Variants in IQCM observed in about 807,000 individuals in gnomAD.
The protein encoded by IQCM is IQ domain-containing protein M.
IQCM carries 45 observed loss-of-function variants against 57.6 expected under a neutral mutation model. The ratio of observed to expected loss-of-function variants is 0.78; its 90% CI spans 0.62 to 1.00. The LOEUF is 1.00. Ranked by LOEUF, IQCM falls within the 50% of genes least tolerant of loss-of-function variation. The pLI is 0.00. For synonymous variants in IQCM, 148 were observed against 158.9 expected (o/e 0.93, Z 0.51); for missense variants, 468 against 511.6 (o/e 0.91, Z 0.82).
At chr4:149,746,012 G>A (rs1454565024) in intron 2 of IQCM, among the ~76,000 whole-genome samples, 1 of 151,268 alleles carries the variant, frequency 6.6e-6, no homozygotes, top group Admixed American at 6.6e-5. Flanking sequence ...GCTTTATCAT[G>A]GCTCTTATAA....
Position 149,351,797 on chromosome 4 carries a change from C to G in IQCM, c.*154G>C, listed in dbSNP as rs183405769. The G allele has an allele frequency of 1.1e-3, 421 of 386,654 alleles. 1 individual carries two copies. Among genetic ancestry groups the G allele is most frequent in the African/African-American group, 8.1e-3 (385 of 47,286 alleles). The allele number at this position is 386,654 out of a possible 1,614,324, so 24.0% of individuals were successfully genotyped here. Reference sequence around the variant, plus strand: ...AATGAATGGTGTTCATCCAAAAATACTAGAAATTATAGATAAACTTGTCAA... The same window carrying G: ...AATGAATGGTGTTCATCCAAAAATAGTAGAAATTATAGATAAACTTGTCAA... On this transcript the variant is annotated 3_prime_UTR_variant, in exon 14 of 14. Coordinates refer to ENST00000636793, the MANE Select transcript of IQCM (RefSeq NM_001363507.2).
intron 7 of IQCM, among the ~76,000 whole-genome samples, chr4:149,626,882 C>T (rs959210180): frequency 2.6e-5 from 4 of 152,084 alleles, no homozygotes; most frequent in Non-Finnish European, 5.9e-5. Context: ...ACTCACCCCT[C>T]CCTAATCTGA....
intron 5 of IQCM, among the ~76,000 whole-genome samples, chr4:149,700,910 C>T (rs1052591091): frequency 6.6e-6 from 1 of 151,986 alleles, no homozygotes; most frequent in African/African-American, 2.4e-5. Context: ...AAATCATCGG[C>T]ATCTGTTTTA....
At chr4:149,388,135 T>A (rs1423147594) in intron 13 of IQCM, among the ~76,000 whole-genome samples, 1 of 152,000 alleles carries the variant, frequency 6.6e-6, no homozygotes, top group Admixed American at 6.6e-5. Flanking sequence ...TGGATAATAT[T>A]GCTATGAATA....
At chr4:149,771,816 T>C (rs1770611072) in intron 2 of IQCM, among the ~76,000 whole-genome samples, 1 of 152,286 alleles carries the variant, frequency 6.6e-6, no homozygotes, top group Middle Eastern at 3.4e-3. Flanking sequence ...ATGCTTTTAC[T>C]ATCTTTATTA....
intron 2 of IQCM, among the ~76,000 whole-genome samples, chr4:149,799,287 C>T (rs536843042): frequency 6.6e-6 from 1 of 151,348 alleles, no homozygotes; most frequent in South Asian, 2.1e-4. Context: ...TGAAAAAGGT[C>T]TTGAAAAAAT....
At chr4:149,519,887 C>T (rs1487778845) in intron 12 of IQCM, among the ~76,000 whole-genome samples, 1 of 151,808 alleles carries the variant, frequency 6.6e-6, no homozygotes, top group Non-Finnish European at 1.5e-5. Flanking sequence ...TGCCTGTAGT[C>T]CCAGCTACTC....
At chr4:149,731,418 T>C (rs907387405) in intron 5 of IQCM, among the ~76,000 whole-genome samples, 2 of 152,168 alleles carry the variant, frequency 1.3e-5, no homozygotes, top group African/African-American at 4.8e-5. Context: ...TACCTTGATC[T>C]TGGATTTCCC....
chr4:149,624,147 AGT>A (rs34626095), intron 7 of IQCM, among the ~76,000 whole-genome samples: 1,504 of 144,428 alleles, frequency 0.01, 22 homozygotes, highest in African/African-American at 0.033. Flanking sequence ...ATGTGCCCCA[AGT>A]GTGTGTGTGT....
In IQCM at chr4:149,622,446, C is replaced by T. The variant is rs531724345; in HGVS notation, c.566-1202G>A. On this transcript the variant is annotated intron_variant, in intron 7 of 13. Coordinates refer to ENST00000636793, the MANE Select transcript of IQCM (RefSeq NM_001363507.2). ...CAAGCTCTGCCTCCCAGGTTCACGC[C>T]GTTCTCCTGCCTCAGCCTCCTGAGT... Among the ~76,000 whole-genome samples, 5 of 151,908 alleles carry T rather than the reference C, an allele frequency of 3.3e-5. No individual in the cohort carries two copies. In the South Asian group the frequency reaches 6.3e-4, roughly 19 times the overall value.
At chr4:149,717,448 T>C (rs1346640790) in intron 5 of IQCM, among the ~76,000 whole-genome samples, 2 of 152,198 alleles carry the variant, frequency 1.3e-5, no homozygotes, top group Non-Finnish European at 2.9e-5. Context: ...AGAAACACAC[T>C]TTGTTTTTCC....
At chr4:149,696,585 T>C (rs1006184505) in intron 5 of IQCM, among the ~76,000 whole-genome samples, 3 of 152,160 alleles carry the variant, frequency 2.0e-5, no homozygotes, top group African/African-American at 7.2e-5. Context: ...ATGTATGCAT[T>C]AATTCGTATC....
chr4:149,457,624 G>A (rs1378825943), intron 12 of IQCM, among the ~76,000 whole-genome samples: 1 of 151,948 alleles, frequency 6.6e-6, no homozygotes, highest in Non-Finnish European at 1.5e-5. Flanking sequence ...TCAGAGGTTG[G>A]TTAGCTGAAG....
chr4:149,655,483 G>C (rs557194669), intron 7 of IQCM, among the ~76,000 whole-genome samples: 14 of 152,200 alleles, frequency 9.2e-5, no homozygotes, highest in African/African-American at 3.4e-4. Context: ...AGAAGATCAG[G>C]CAAGATGTGT....
chr4:149,549,212 G>A (rs542896804), intron 11 of IQCM, among the ~76,000 whole-genome samples: 1 of 152,146 alleles, frequency 6.6e-6, no homozygotes, highest in Non-Finnish European at 1.5e-5. Context: ...AAAGGAGTTA[G>A]ATAATGAGCA....
intron 5 of IQCM, among the ~76,000 whole-genome samples, chr4:149,708,710 T>C (rs1361110093): frequency 1.3e-5 from 2 of 152,040 alleles, no homozygotes; most frequent in East Asian, 1.9e-4. Context: ...TTTTAGGTAA[T>C]ATATCTCAAA....
At chr4:149,703,692 A>G (rs533672000) in intron 5 of IQCM, among the ~76,000 whole-genome samples, 3 of 151,984 alleles carry the variant, frequency 2.0e-5, no homozygotes, top group Admixed American at 6.6e-5. Flanking sequence ...AGAGAATAGT[A>G]TCTTATACAG....
intron 12 of IQCM, among the ~76,000 whole-genome samples, chr4:149,461,819 A>G (rs1181237951): frequency 1.3e-5 from 2 of 151,780 alleles, no homozygotes; most frequent in African/African-American, 4.8e-5. Flanking sequence ...CTAAAGGAAT[A>G]CTATATATAT....
rs546456157 is a variant in IQCM, at chr4:149,675,344, G to A, written c.565+6774C>T. Reference sequence around the variant, plus strand: ...ACAAAGGGAGAATGGTTTGGAAACAGCAATGAGGAGCAAGGAGGAAACCAC... The same window carrying A: ...ACAAAGGGAGAATGGTTTGGAAACAACAATGAGGAGCAAGGAGGAAACCAC... On this transcript the variant is annotated intron_variant, in intron 7 of 13. Coordinates refer to ENST00000636793, the MANE Select transcript of IQCM (RefSeq NM_001363507.2). Among the ~76,000 whole-genome samples the A allele has an allele frequency of 5.9e-5, 9 of 152,000 alleles. No individual in the cohort carries two copies. The East Asian group carries it at 1.6e-3, about 26-fold the overall frequency.
Sources: gnomAD v4.1 joint callset for allele counts (sites outside exome capture counted in the v4.1 genomes callset) on GRCh38, gnomAD v4.1.1 for gene constraint, MANE v1.5 for transcripts, NCBI Gene and HGNC (gene_info 2026-07-23, HGNC 2026-07-21) for gene names.